Variants in RANBP17 observed in about 807,000 individuals in gnomAD.
RANBP17 encodes RAN binding protein 17, also known as ran-binding protein 17.
RANBP17 carries 158 observed loss-of-function variants against 141.2 expected under a neutral mutation model. The ratio of observed to expected loss-of-function variants is 1.12; its 90% CI spans 0.98 to 1.28. The LOEUF is 1.28. Among genes scored for constraint, RANBP17 ranks in the 50% most tolerant of loss-of-function variants. The pLI is 0.00. For synonymous variants in RANBP17, 430 were observed against 450.0 expected (o/e 0.96, Z 0.56); for missense variants, 1,438 against 1,290.7 (o/e 1.11, Z -1.75).
chr5:171,249,111 C>T (rs1259218310), intron 24 of RANBP17, among the ~76,000 whole-genome samples: 1 of 152,180 alleles, frequency 6.6e-6, no homozygotes, highest in Admixed American at 6.5e-5. Flanking sequence ...AAATTTGCCA[C>T]AGCTTCCACT....
At chr5:171,059,308 A>G (rs245754) in intron 14 of RANBP17, among the ~76,000 whole-genome samples, 92,941 of 151,996 alleles carry the variant, frequency 0.61, 29,789 homozygotes, top group South Asian at 0.88. Context: ...TCTAACATTT[A>G]AGTCTTGAAT....
intron 13 of RANBP17, among the ~76,000 whole-genome samples, chr5:170,964,036 A>G (rs548294562): frequency 6.6e-6 from 1 of 152,314 alleles, no homozygotes; most frequent in African/African-American, 2.4e-5. Flanking sequence ...AAATACACCG[A>G]GATGCCGTTT....
intron 14 of RANBP17, among the ~76,000 whole-genome samples, chr5:171,018,564 T>C (rs535476841): frequency 3.0e-4 from 45 of 152,304 alleles, no homozygotes; most frequent in African/African-American, 1.1e-3. Context: ...GCTAGTCTAT[T>C]GTAGGTGTAA....
At chr5:171,251,799 T>C (rs938527905) in intron 24 of RANBP17, 1 of 1,181,930 alleles carries the variant, frequency 8.5e-7, no homozygotes, top group African/African-American at 1.5e-5. Context: ...GGGTGGAAGA[T>C]GGTGCTGGCC....
chr5:171,019,726 A>AT (rs1053280559), intron 14 of RANBP17, among the ~76,000 whole-genome samples: 6 of 150,534 alleles, frequency 4.0e-5, no homozygotes, highest in Non-Finnish European at 8.9e-5. Flanking sequence ...GGATTCATTG[A>AT]TTTTTTTGGA....
At position 171,298,751 on chromosome 5, in the gene RANBP17, T is replaced by C; in HGVS notation, c.3171-11T>C. The C allele has an allele frequency of 6.2e-7, 1 of 1,610,476 alleles. No homozygotes were observed. The highest frequency in any genetic ancestry group is 8.5e-7 in the Non-Finnish European group (1 of 1,176,716). On this transcript the variant is annotated splice_polypyrimidine_tract_variant and intron_variant, in intron 27 of 27. Transcript: ENST00000523189. ...ATTACTACCCTTGACCCTTTCTTCC[T>C]CTTTCTGCAGGTTCACCCAAAATCT...
In RANBP17 at chr5:171,114,037, A is replaced by G. The variant is rs1359253426; in HGVS notation, c.1711-56093A>G. The stretch of plus-strand genomic sequence containing the variant: ...ATTTATATTAACATGCCATACATTT[A>G]TTATTTTAAAATAAATTAATATTTT... On this transcript the variant is annotated intron_variant, in intron 14 of 27. Coordinates refer to ENST00000523189, the MANE Select transcript of RANBP17 (RefSeq NM_022897.5). 2.6e-5 allele frequency among the ~76,000 whole-genome samples: 4 copies of G among 152,024 alleles called. No individual in the cohort carries two copies. In the East Asian group the frequency reaches 7.7e-4, roughly 29 times the overall value.
chr5:171,144,254 A>C (rs1327487220), intron 14 of RANBP17, among the ~76,000 whole-genome samples: 1 of 152,036 alleles, frequency 6.6e-6, no homozygotes, highest in Non-Finnish European at 1.5e-5. Flanking sequence ...CCAGTTACTC[A>C]GGAGGCCGAG....
chr5:171,097,837 C>G (rs1469120916), intron 14 of RANBP17, among the ~76,000 whole-genome samples: 2 of 151,784 alleles, frequency 1.3e-5, no homozygotes, highest in Non-Finnish European at 2.9e-5. Flanking sequence ...CTCCCTGTGT[C>G]CATGTGTTCT....
At chr5:171,064,082 A>C (rs113501762) in intron 14 of RANBP17, among the ~76,000 whole-genome samples, 5 of 152,366 alleles carry the variant, frequency 3.3e-5, no homozygotes, top group South Asian at 2.1e-4. Flanking sequence ...TTCTTTGACT[A>C]GGAAAGGGAA....
At chr5:171,018,362 C>G (rs1780601396) in intron 14 of RANBP17, among the ~76,000 whole-genome samples, 1 of 152,136 alleles carries the variant, frequency 6.6e-6, no homozygotes, top group Non-Finnish European at 1.5e-5. Flanking sequence ...TGGCCATTTT[C>G]ACAATATTGA....
At chr5:171,181,335 G>T (rs553222792) in intron 16 of RANBP17, among the ~76,000 whole-genome samples, 1 of 152,096 alleles carries the variant, frequency 6.6e-6, no homozygotes, top group South Asian at 2.1e-4. Flanking sequence ...TTGTAGTCCT[G>T]GCTACTCGGG....
At chr5:171,207,609 A>G (rs1464155172) in intron 20 of RANBP17, 2 of 152,198 alleles carry the variant, frequency 1.3e-5, no homozygotes, top group African/African-American at 4.8e-5. Context: ...AGTGTCAGTT[A>G]TGCCAGAAGC....
At chr5:170,928,077 C>G (rs1773071172) in intron 12 of RANBP17, among the ~76,000 whole-genome samples, 2 of 152,184 alleles carry the variant, frequency 1.3e-5, no homozygotes, top group East Asian at 3.9e-4. Flanking sequence ...TGTTATCTCA[C>G]TGTGGTTATA....
At chr5:171,267,026 CT>C (rs35762251) in intron 25 of RANBP17, among the ~76,000 whole-genome samples, 43 of 114,570 alleles carry the variant, frequency 3.8e-4, no homozygotes, top group African/African-American at 7.0e-4. Flanking sequence ...ATTTTCTTTT[CT>C]TTTTTTTTTT....
chr5:170,897,350 C>T (rs1248605387), intron 5 of RANBP17: 4 of 521,548 alleles, frequency 7.7e-6, no homozygotes, highest in Admixed American at 2.6e-5. Context: ...ATTTCTTCTT[C>T]TTCTTCTTCT....
chr5:170,960,566 A>G (rs754349027), intron 13 of RANBP17, among the ~76,000 whole-genome samples: 2 of 152,064 alleles, frequency 1.3e-5, no homozygotes, highest in Admixed American at 6.5e-5. Flanking sequence ...TGTCAGTTCT[A>G]TCTTTTAGTT....
Position 170,965,322 on chromosome 5 carries a change from C to T in RANBP17, c.1575-2920C>T, listed in dbSNP as rs1241259708. On this transcript the variant is annotated intron_variant, in intron 13 of 27. Transcript: ENST00000523189. The stretch of plus-strand genomic sequence containing the variant: ...AGCCCTTTGTCAGATGAGTAGGTTG[C>T]GAAAATTTTCTCCCATTTTGTAGGT... Among the ~76,000 whole-genome samples the T allele has an allele frequency of 1.1e-3, 167 of 150,670 alleles. 4 individuals are homozygous for T. The East Asian group carries it at 0.028, about 25-fold the overall frequency.
chr5:170,876,238 TC>T (rs1467053318), intron 1 of RANBP17, among the ~76,000 whole-genome samples: 1 of 152,064 alleles, frequency 6.6e-6, no homozygotes, highest in Non-Finnish European at 1.5e-5. Flanking sequence ...TCTTCCCTCC[TC>T]CCTGTGGGTT....
Sources: allele counts gnomAD v4.1 joint callset (sites outside exome capture counted in the v4.1 genomes callset), GRCh38; gene constraint gnomAD v4.1.1; transcripts MANE v1.5; gene names NCBI Gene and HGNC (gene_info 2026-07-23, HGNC 2026-07-21).